The following PHIP variants were observed in gnomAD, a reference collection of about 807,000 sequenced individuals.
The protein encoded by PHIP is PH-interacting protein.
Under a neutral mutation model 236.8 loss-of-function variants are expected in PHIP, and 54 were observed. The ratio of observed to expected loss-of-function variants is 0.23; its 90% confidence interval spans 0.18 to 0.29. The LOEUF (loss-of-function observed/expected upper bound fraction) is 0.29, where lower values mean the gene tolerates loss of function less well. PHIP is among the 10% of genes least tolerant of loss of function. PHIP has a pLI of 1.00. For missense variants in PHIP, 1,370 were observed against 2,190.8 expected (o/e 0.63, Z 7.48); for synonymous variants, 756 against 718.9 (o/e 1.05, Z -0.83).
Position 79,030,698 on chromosome 6 carries a change from G to A in PHIP, c.601-4534C>T, listed in dbSNP as rs58807251. Among the ~76,000 whole-genome samples the A allele has an allele frequency of 2.0e-3, 305 of 152,226 alleles. 2 individuals are homozygous for A. Among genetic ancestry groups the A allele is most frequent in the African/African-American group, 6.9e-3 (286 of 41,538 alleles). On this transcript the variant is annotated intron_variant, in intron 7 of 39. Coordinates refer to ENST00000275034, the MANE Select transcript of PHIP (RefSeq NM_017934.7). ...TTAGGTTAGAGATAGAGATCTGGGT[G>A]TTATCAGTTTATACCATAGTAGTCA...
intron 7 of PHIP, among the ~76,000 whole-genome samples, chr6:79,034,208 A>C (rs2127753996): frequency 6.6e-6 from 1 of 152,348 alleles, no homozygotes; most frequent in Admixed American, 6.5e-5. Context: ...TCACAAATAT[A>C]CAATTTGTAA....
At position 78,953,337 on chromosome 6, in the gene PHIP, G is replaced by C. The variant is rs556766518; in HGVS notation, c.4053+1477C>G. On this transcript the variant is annotated intron_variant, in intron 35 of 39. Transcript: ENST00000275034. ...CCAAGGACTCAATTATCTCTGTATA[G>C]TGTTAATACTTGTGCCTCTAGAATA... Among the ~76,000 whole-genome samples the C allele has an allele frequency of 1.8e-4, 28 of 152,220 alleles. No homozygotes were observed. In the South Asian group the frequency reaches 3.3e-3, roughly 18 times the overall value.
At position 78,961,770 on chromosome 6, in the gene PHIP, G is replaced by C. The variant is rs761886475; in HGVS notation, c.3576C>G (p.Ala1192=). ...SAFVAPVDLQ[A]YPMYCTVVAY... ...CCACTACTGTGCAATACATGGGATAGGCTTGCAGATCCACGGGGGCCACAA... is the reference window on the plus strand; with the variant it reads ...CCACTACTGTGCAATACATGGGATACGCTTGCAGATCCACGGGGGCCACAA... Residue 1192 remains alanine, a synonymous_variant, in exon 31 of 40, where the codon GCC becomes GCG. Coordinates refer to ENST00000275034, the MANE Select transcript of PHIP (RefSeq NM_017934.7). The C allele has an allele frequency of 6.2e-7, 1 of 1,611,202 alleles. No individual in the cohort carries two copies. The highest frequency in any genetic ancestry group is 8.5e-7 in the Non-Finnish European group (1 of 1,177,740).
rs1582081659 is a variant in PHIP at position 78,945,988 on chromosome 6, AAGTG to A, written c.4630+9_4630+12del. The A allele has an allele frequency of 3.8e-6, 6 of 1,582,140 alleles. No homozygotes were observed. The East Asian group carries it at 9.0e-5, about 24-fold the overall frequency. On this transcript the variant is annotated intron_variant, in intron 38 of 39. Transcript: ENST00000275034. ...ATCATCATATACATTTCAATTTAGAAAGTGAGTCTTACTTGTTTTCCCTGGTATT... is the reference window on the plus strand; with the variant it reads ...ATCATCATATACATTTCAATTTAGAAAGTCTTACTTGTTTTCCCTGGTATT...
chr6:78,948,126 C>T (rs1271653749), intron 35 of PHIP, among the ~76,000 whole-genome samples: 2 of 152,102 alleles, frequency 1.3e-5, no homozygotes, highest in Non-Finnish European at 2.9e-5. Flanking sequence ...AAACTTTATA[C>T]TACTTATAAA....
At chr6:78,994,847 T>C (rs1379433426) in intron 19 of PHIP, among the ~76,000 whole-genome samples, 4 of 152,228 alleles carry the variant, frequency 2.6e-5, no homozygotes, top group Non-Finnish European at 4.4e-5. Context: ...GTTCAGATGG[T>C]TGTTAGCGTT....
At chr6:78,989,322 A>AT (rs1340745775) in intron 20 of PHIP, among the ~76,000 whole-genome samples, 3 of 152,278 alleles carry the variant, frequency 2.0e-5, no homozygotes, top group African/African-American at 7.2e-5. Flanking sequence ...GCTATTTGGG[A>AT]TGATAAGGCA....
chr6:79,024,492 C>G (rs1771286591), intron 9 of PHIP, among the ~76,000 whole-genome samples: 1 of 152,108 alleles, frequency 6.6e-6, no homozygotes, highest in Non-Finnish European at 1.5e-5. Context: ...TTCCTCTCCC[C>G]ACTACATCCA....
In PHIP at chr6:78,944,084, G is replaced by A. The variant is rs75459183; in HGVS notation, c.4828+1216C>T. Among the ~76,000 whole-genome samples the A allele has an allele frequency of 5.1e-3, 776 of 150,746 alleles. 11 individuals are homozygous for A. The highest frequency in any genetic ancestry group is 0.018 in the African/African-American group (720 of 41,068). ...AAGAAGACGATATTTTAAGTGAGACGTGAAAGGCAACAGACAATTAAACTA... is the reference window on the plus strand; with the variant it reads ...AAGAAGACGATATTTTAAGTGAGACATGAAAGGCAACAGACAATTAAACTA... On this transcript the variant is annotated intron_variant, in intron 39 of 39. Transcript: ENST00000275034.
intron 2 of PHIP, 25 bp downstream of exon 2, chr6:79,077,830 C>T (rs763040266): frequency 1.1e-5 from 15 of 1,378,708 alleles, no homozygotes; most frequent in African/African-American, 9.2e-5. Context: ...AGCGCCGGCC[C>T]GGCCCGCGCC....
At chr6:79,013,874 A>G (rs1489374394) in intron 15 of PHIP, among the ~76,000 whole-genome samples, 2 of 151,652 alleles carry the variant, frequency 1.3e-5, no homozygotes, top group Non-Finnish European at 1.5e-5. Flanking sequence ...GAAATGACTA[A>G]TTTCCTTATT....
chr6:79,017,141 A>C (rs1307213775), intron 12 of PHIP, among the ~76,000 whole-genome samples: 3 of 151,984 alleles, frequency 2.0e-5, no homozygotes, highest in Admixed American at 2.0e-4. Flanking sequence ...GTAATTACTA[A>C]AAGTGTCCAA....
intron 15 of PHIP, among the ~76,000 whole-genome samples, chr6:79,010,943 G>A (rs1770542933): frequency 6.6e-6 from 1 of 151,814 alleles, no homozygotes; most frequent in South Asian, 2.1e-4. Flanking sequence ...AACATTTAAG[G>A]TTATAATTAA....
At chr6:79,027,752 G>A (rs1477573217) in intron 7 of PHIP, among the ~76,000 whole-genome samples, 1 of 152,126 alleles carries the variant, frequency 6.6e-6, no homozygotes, top group Non-Finnish European at 1.5e-5. Flanking sequence ...CAGAGGTACG[G>A]GGTGGAAAGG....
rs1208965827 is a variant in PHIP at position 78,999,278 on chromosome 6, A to AT, written c.1880-888dup. On this transcript the variant is annotated intron_variant, in intron 17 of 39. Coordinates refer to ENST00000275034, the MANE Select transcript of PHIP (RefSeq NM_017934.7). ...TCATGCACTGAAACTTTTGAACACA[A>AT]TATTCCCACTATAAAGATAAACATG... 2.0e-5 allele frequency among the ~76,000 whole-genome samples: 3 copies of AT among 152,248 alleles called. No homozygotes were observed. In the East Asian group the frequency reaches 5.8e-4, roughly 29 times the overall value.
At chr6:79,031,993 C>T (rs1771693283) in intron 7 of PHIP, among the ~76,000 whole-genome samples, 1 of 152,186 alleles carries the variant, frequency 6.6e-6, no homozygotes. Flanking sequence ...TGCAATTAAG[C>T]AAGTATTCCA....
At chr6:78,999,177 T>C (rs965942143) in intron 17 of PHIP, among the ~76,000 whole-genome samples, 7 of 152,190 alleles carry the variant, frequency 4.6e-5, no homozygotes, top group Admixed American at 4.6e-4. Context: ...TTTTAATCCA[T>C]CCAAGTTTTC....
chr6:79,010,414 CTT>C (rs931038470), intron 15 of PHIP, among the ~76,000 whole-genome samples: 9 of 151,056 alleles, frequency 6.0e-5, no homozygotes, highest in Admixed American at 2.0e-4. Flanking sequence ...AAAAAAATCT[CTT>C]AAGTAAAAGA....
chr6:79,057,219 C>T (rs973889187), intron 6 of PHIP, among the ~76,000 whole-genome samples: 1 of 152,060 alleles, frequency 6.6e-6, no homozygotes, highest in African/African-American at 2.4e-5. Context: ...TAAAATTATC[C>T]TCTGAACTAC....
Sources: gnomAD v4.1 joint callset for allele counts (sites outside exome capture counted in the v4.1 genomes callset) on GRCh38, gnomAD v4.1.1 for gene constraint, MANE v1.5 for transcripts, NCBI Gene and HGNC (gene_info 2026-07-23, HGNC 2026-07-21) for gene names.